CERT1: variants seen among roughly 807,000 people sequenced by gnomAD.
CERT1 encodes ceramide transporter 1.
In CERT1, 31 loss-of-function variants were observed where a neutral mutation model predicts 87.9. That is an observed-to-expected ratio of 0.35 (90% CI 0.27 to 0.48). The LOEUF is 0.48. CERT1 is among the 20% of genes least tolerant of loss of function. The pLI, the probability that CERT1 is intolerant of heterozygous loss-of-function variation, is 0.99. For synonymous variants in CERT1, 289 were observed against 250.9 expected (o/e 1.15, Z -1.44); for missense variants, 487 against 758.0 (o/e 0.64, Z 4.20).
chr5:75,417,390 A>G (rs577230341), intron 6 of CERT1, among the ~76,000 whole-genome samples: 6 of 152,330 alleles, frequency 3.9e-5, no homozygotes, highest in African/African-American at 1.4e-4. Context: ...TGAAAAGCCT[A>G]GAATTAAAAA....
chr5:75,402,430 T>C (rs1379731634), intron 9 of CERT1: 1 of 152,252 alleles, frequency 6.6e-6, no homozygotes. Flanking sequence ...TAATTACGCA[T>C]GGTTCCTTTT....
At position 75,388,595 on chromosome 5, in the gene CERT1, CATGCATATATATATATATATATATATAT is replaced by C. The variant is rs1276863995; in HGVS notation, c.1284+969_1284+996del. Among the ~76,000 whole-genome samples the C allele has an allele frequency of 3.7e-3, 307 of 83,056 alleles. 2 individuals carry two copies. The East Asian group carries it at 0.045, about 12-fold the overall frequency. The allele number at this position is 83,056 out of a possible 152,430, so 54.5% of individuals were successfully genotyped here. ...ATCAGATGGAGCCAAGTATAGCATGCATGCATATATATATATATATATATATATATATATATATATATATATCTCACAC... is the reference window on the plus strand; with the variant it reads ...ATCAGATGGAGCCAAGTATAGCATGCATATATATATATATATATCTCACAC... On this transcript the variant is annotated intron_variant, in intron 12 of 16. Coordinates refer to ENST00000643780, the MANE Select transcript of CERT1 (RefSeq NM_001379029.1).
chr5:75,414,802 C>A (rs540175756), intron 7 of CERT1, among the ~76,000 whole-genome samples: 5 of 152,024 alleles, frequency 3.3e-5, no homozygotes, highest in Non-Finnish European at 7.4e-5. Flanking sequence ...TATTTAATTG[C>A]TCTCATTAGA....
chr5:75,391,104 A>T (rs1254508020), intron 11 of CERT1, among the ~76,000 whole-genome samples: 2 of 152,156 alleles, frequency 1.3e-5, no homozygotes, highest in Admixed American at 6.5e-5. Context: ...AGGTGGGACT[A>T]CAGGAGTGCA....
chr5:75,410,331 C>T (rs191604187), intron 8 of CERT1, among the ~76,000 whole-genome samples: 31 of 152,016 alleles, frequency 2.0e-4, no homozygotes, highest in African/African-American at 5.3e-4. Context: ...CACAGTAGGC[C>T]GGGCGGGGTG....
chr5:75,439,974 A>G (rs1163064702), intron 3 of CERT1, among the ~76,000 whole-genome samples: 1 of 152,070 alleles, frequency 6.6e-6, no homozygotes, highest in Non-Finnish European at 1.5e-5. Flanking sequence ...TGAGTGAGAA[A>G]ATGTGCTTTT....
At chr5:75,408,647 TGA>T (rs1762808607) in intron 8 of CERT1, among the ~76,000 whole-genome samples, 1 of 151,644 alleles carries the variant, frequency 6.6e-6, no homozygotes, top group Admixed American at 6.6e-5. Context: ...GAGGGAGGGG[TGA>T]GAGTTAAAAA....
intron 3 of CERT1, among the ~76,000 whole-genome samples, chr5:75,449,076 C>T (rs1190077486): frequency 6.6e-6 from 1 of 152,156 alleles, no homozygotes; most frequent in Non-Finnish European, 1.5e-5. Flanking sequence ...AATCCTACCC[C>T]TTCCTTTAAA....
intron 3 of CERT1, among the ~76,000 whole-genome samples, chr5:75,454,244 A>G (rs754401953): frequency 3.5e-4 from 53 of 152,182 alleles, no homozygotes; most frequent in Non-Finnish European, 6.9e-4. Context: ...TCCTCCTTTC[A>G]ATAACTTACC....
At chr5:75,402,725 AG>A in intron 9 of CERT1, 1 of 261,306 alleles carries the variant, frequency 3.8e-6, no homozygotes, top group South Asian at 5.8e-5. Context: ...GCTTGAACCC[AG>A]GAGGTGGAAG....
At chr5:75,503,434 CATTT>C (rs1203716082) in intron 2 of CERT1, among the ~76,000 whole-genome samples, 2 of 152,072 alleles carry the variant, frequency 1.3e-5, no homozygotes, top group East Asian at 1.9e-4. Flanking sequence ...ATTACTATTA[CATTT>C]ATTTATTTAA....
At chr5:75,433,541 G>A (rs1161649287) in intron 3 of CERT1, among the ~76,000 whole-genome samples, 1 of 152,154 alleles carries the variant, frequency 6.6e-6, no homozygotes, top group Non-Finnish European at 1.5e-5. Context: ...GTTTTATCGA[G>A]ATAGGGTCTC....
At chr5:75,501,106 A>C (rs573211056) in intron 2 of CERT1, among the ~76,000 whole-genome samples, 27 of 151,804 alleles carry the variant, frequency 1.8e-4, no homozygotes, top group Non-Finnish European at 3.8e-4. Context: ...CTCAGCCTCC[A>C]AAGAAGCTGA....
intron 12 of CERT1, among the ~76,000 whole-genome samples, chr5:75,389,127 A>C (rs1218632861): frequency 2.0e-5 from 3 of 152,144 alleles, no homozygotes; most frequent in Non-Finnish European, 4.4e-5. Flanking sequence ...TAGGGATGTA[A>C]ACAAGATTAA....
At chr5:75,454,342 AAATGTGG>A (rs1361083966) in intron 3 of CERT1, among the ~76,000 whole-genome samples, 1 of 152,196 alleles carries the variant, frequency 6.6e-6, no homozygotes, top group East Asian at 1.9e-4. Flanking sequence ...ATTCTTAAAT[AAATGTGG>A]TTATATTATA....
intron 8 of CERT1, among the ~76,000 whole-genome samples, chr5:75,408,563 G>C (rs1471948718): frequency 6.6e-6 from 1 of 152,144 alleles, no homozygotes; most frequent in African/African-American, 2.4e-5. Flanking sequence ...TCTCATTTAT[G>C]AGTGGGAGCT....
intron 3 of CERT1, among the ~76,000 whole-genome samples, chr5:75,437,223 G>C (rs1254406015): frequency 6.6e-6 from 1 of 152,046 alleles, no homozygotes; most frequent in Non-Finnish European, 1.5e-5. Flanking sequence ...TTTACTAACG[G>C]TGTCTTCACT....
downstream of CERT1, chr5:75,377,774 A>G (rs1272118782): frequency 6.6e-6 from 1 of 152,204 alleles, no homozygotes; most frequent in Non-Finnish European, 1.5e-5. Context: ...ATTTTACTGT[A>G]TAACTTTTTC....
intron 2 of CERT1, among the ~76,000 whole-genome samples, chr5:75,462,582 C>A (rs1765279385): frequency 6.6e-6 from 1 of 151,044 alleles, no homozygotes; most frequent in Non-Finnish European, 1.5e-5. Context: ...GACCCCCGAT[C>A]TAAAGGAAAA....
Sources: allele counts gnomAD v4.1 joint callset (sites outside exome capture counted in the v4.1 genomes callset), GRCh38; gene constraint gnomAD v4.1.1; transcripts MANE v1.5; gene names NCBI Gene and HGNC (gene_info 2026-07-23, HGNC 2026-07-21).